Variants in CCDC146 observed in about 807,000 individuals in gnomAD.
CCDC146 encodes the protein coiled-coil domain-containing protein 146.
In CCDC146, 92 loss-of-function variants were observed where a neutral mutation model predicts 119.3. The ratio of observed to expected loss-of-function variants is 0.77; its 90% CI spans 0.65 to 0.92. The LOEUF is 0.92. Ranked by LOEUF, CCDC146 falls within the 40% of genes least tolerant of loss-of-function variation. CCDC146 has a pLI of 0.00. For missense variants in CCDC146, 1,000 were observed against 1,103.0 expected (o/e 0.91, Z 1.32); for synonymous variants, 372 against 371.8 (o/e 1.00, Z -0.01).
intron 2 of CCDC146, among the ~76,000 whole-genome samples, chr7:77,187,313 G>C (rs1233408202): frequency 6.6e-6 from 1 of 152,062 alleles, no homozygotes; most frequent in Non-Finnish European, 1.5e-5. Context: ...ACCAAAACCT[G>C]GTCTGTTCTA....
At position 77,256,553 on chromosome 7, in the gene CCDC146, G is replaced by C. The variant is rs540768358; in HGVS notation, c.684+44G>C. On this transcript the variant is annotated intron_variant, in intron 6 of 18. Coordinates refer to ENST00000285871, the MANE Select transcript of CCDC146 (RefSeq NM_020879.3). ...ATATTTAAACATTGTGCCTTGCATG[G>C]ATATAAAAGTGTGTGGGTATCAAGA... is the stretch of plus-strand genomic sequence containing the variant. The C allele has an allele frequency of 1.6e-5, 24 of 1,501,876 alleles. No homozygotes were observed. The African/African-American group carries it at 2.8e-4, about 18-fold the overall frequency. 93.0% of individuals were successfully genotyped at this position (1,501,876 alleles called of 1,614,324 possible). A position where few individuals can be genotyped will look rare whatever the true frequency, so the allele number is the denominator to read the frequency against.
Position 77,280,529 on chromosome 7 carries a change from A to G in CCDC146, c.1795A>G (p.Lys599Glu). ...AATTGTATCAAAACTTCAGGAAATGAAAGAAAAGAAGGAAGCCCAGTTAAA... is the reference window on the plus strand; with the variant it reads ...AATTGTATCAAAACTTCAGGAAATGGAAGAAAAGAAGGAAGCCCAGTTAAA... ...RKIVSKLQEMKEKKEAQLNNI... is the reference protein window; with the variant it reads ...RKIVSKLQEMEEKKEAQLNNI... Residue 599 changes from lysine (K) to glutamate (E), a missense_variant, in exon 14 of 19, where the codon AAA becomes GAA. Physicochemically the swap from Lys to Glu is moderately conservative, Grantham distance 56. Coordinates refer to ENST00000285871, the MANE Select transcript of CCDC146 (RefSeq NM_020879.3). The G allele has an allele frequency of 6.2e-7, 1 of 1,614,202 alleles. No individual in the cohort carries two copies. The highest frequency in any genetic ancestry group is 1.1e-5 in the South Asian group (1 of 91,072).
chr7:77,173,885 G>A (rs1420438416), intron 2 of CCDC146, among the ~76,000 whole-genome samples: 1 of 152,158 alleles, frequency 6.6e-6, no homozygotes, highest in Admixed American at 6.5e-5. Context: ...GGTTTTTTAT[G>A]TATGCCTATA....
In CCDC146 at chr7:77,286,774, A is replaced by G. The variant is rs1242542041; in HGVS notation, c.2149-24A>G. 3 of 1,610,194 alleles carry G rather than the reference A, an allele frequency of 1.9e-6. No individual in the cohort carries two copies. In the African/African-American group the frequency reaches 4.0e-5, roughly 22 times the overall value. ...TAACTGAGCTAGAGCGTTCATTTTA[A>G]AGTTAATGTTTTTTTCTTAATAGTT... On this transcript the variant is annotated intron_variant, in intron 15 of 18. Coordinates refer to ENST00000285871, the MANE Select transcript of CCDC146 (RefSeq NM_020879.3).
chr7:77,279,302 T>C (rs1793718561), intron 13 of CCDC146, among the ~76,000 whole-genome samples: 1 of 152,036 alleles, frequency 6.6e-6, no homozygotes, highest in Non-Finnish European at 1.5e-5. Context: ...AGAATAGTAT[T>C]TTAGAAAGCC....
At chr7:77,169,733 G>C (rs1791392398) in intron 2 of CCDC146, among the ~76,000 whole-genome samples, 2 of 152,086 alleles carry the variant, frequency 1.3e-5, no homozygotes, top group African/African-American at 2.4e-5. Flanking sequence ...GATTCCTTCT[G>C]CACTTCCTTA....
intron 2 of CCDC146, among the ~76,000 whole-genome samples, chr7:77,234,255 T>TG (rs1175727234): frequency 1.5e-5 from 2 of 136,098 alleles, no homozygotes; most frequent in African/African-American, 3.8e-5. Flanking sequence ...GTAAAGGCTT[T>TG]TTTTTTTTTT....
intron 2 of CCDC146, among the ~76,000 whole-genome samples, chr7:77,222,327 T>C (rs1770632098): frequency 1.3e-5 from 2 of 152,214 alleles, no homozygotes; most frequent in African/African-American, 4.8e-5. Context: ...GATGCCTCCA[T>C]GCTAAATGCA....
intron 2 of CCDC146, among the ~76,000 whole-genome samples, chr7:77,218,299 T>C (rs1792335658): frequency 6.7e-6 from 1 of 149,994 alleles, no homozygotes; most frequent in East Asian, 1.9e-4. Flanking sequence ...ATAAATTTTA[T>C]ATATTAAATA....
At chr7:77,285,983 T>A (rs539509061) in intron 15 of CCDC146, among the ~76,000 whole-genome samples, 1 of 152,334 alleles carries the variant, frequency 6.6e-6, no homozygotes, top group East Asian at 1.9e-4. Flanking sequence ...GTGTTGTATG[T>A]GAGTTACCCT....
intron 1 of CCDC146, among the ~76,000 whole-genome samples, chr7:77,140,684 C>T (rs1487316892): frequency 2.0e-5 from 3 of 151,974 alleles, no homozygotes; most frequent in South Asian, 2.1e-4. Flanking sequence ...CAATAGCACC[C>T]GTCCTCTGAA....
chr7:77,142,538 A>G (rs953278112), intron 1 of CCDC146, among the ~76,000 whole-genome samples: 7 of 151,904 alleles, frequency 4.6e-5, no homozygotes, highest in Non-Finnish European at 4.4e-5. Flanking sequence ...TACATTAGGT[A>G]TATCTCCTAA....
intron 3 of CCDC146, among the ~76,000 whole-genome samples, chr7:77,237,722 AGG>A (rs1417092320): frequency 1.3e-5 from 2 of 152,200 alleles, no homozygotes; most frequent in African/African-American, 2.4e-5. Context: ...AATCACCAAC[AGG>A]TCAGAAGAAC....
chr7:77,218,426 G>C (rs1045535972), intron 2 of CCDC146, among the ~76,000 whole-genome samples: 3 of 151,990 alleles, frequency 2.0e-5, no homozygotes, highest in African/African-American at 7.2e-5. Context: ...GTCTTGGTAT[G>C]TGTGCACACA....
At chr7:77,149,715 C>T (rs1043172569) in intron 1 of CCDC146, among the ~76,000 whole-genome samples, 7 of 149,818 alleles carry the variant, frequency 4.7e-5, no homozygotes, top group African/African-American at 1.5e-4. Context: ...CAGTGAGCCC[C>T]GAGATTGTGT....
At chr7:77,284,410 GC>G (rs1793814412) in intron 15 of CCDC146, among the ~76,000 whole-genome samples, 1 of 151,226 alleles carries the variant, frequency 6.6e-6, no homozygotes, top group Non-Finnish European at 1.5e-5. Context: ...CTCCATGCTT[GC>G]CCCCACTCCA....
In CCDC146 at chr7:77,196,403, C is replaced by G. The variant is rs761029492; in HGVS notation, c.156+28579C>G. On this transcript the variant is annotated intron_variant, in intron 2 of 18. Transcript: ENST00000285871. The surrounding 1 kb of genome is among the most constrained non-coding windows in gnomAD (Gnocchi z 4.2). ...CCAGAAAATCCCATTACGGACACCTCTGTATTTTTGGTGATAATATTTGCC... is the reference window on the plus strand; with the variant it reads ...CCAGAAAATCCCATTACGGACACCTGTGTATTTTTGGTGATAATATTTGCC... 7.4e-6 allele frequency: 12 copies of G among 1,613,986 alleles called. No individual in the cohort carries two copies. In the Middle Eastern group the frequency reaches 8.2e-4, roughly 111 times the overall value.
At chr7:77,192,806 C>T (rs1791793361) in intron 2 of CCDC146, among the ~76,000 whole-genome samples, 1 of 151,970 alleles carries the variant, frequency 6.6e-6, no homozygotes, top group African/African-American at 2.4e-5. Flanking sequence ...GTCTGTAGTC[C>T]CAGCTACTCA....
chr7:77,244,766 A>G (rs975748871), intron 4 of CCDC146, among the ~76,000 whole-genome samples: 10 of 150,894 alleles, frequency 6.6e-5, no homozygotes, highest in Non-Finnish European at 1.5e-5. Context: ...TGCACATGAC[A>G]CAGAAACCAA....
Sources: gnomAD v4.1 joint callset for allele counts (sites outside exome capture counted in the v4.1 genomes callset) on GRCh38, gnomAD v4.1.1 for gene constraint, Gnocchi (gnomAD v3.1) non-coding constraint, MANE v1.5 for transcripts, NCBI Gene and HGNC (gene_info 2026-07-23, HGNC 2026-07-21) for gene names.